Variants in FMNL2 observed in about 807,000 individuals in gnomAD.
FMNL2 encodes formin like 2.
Under a neutral mutation model 130.2 loss-of-function variants are expected in FMNL2, and 51 were observed. The observed-to-expected ratio is 0.39, with a 90% CI of 0.31 to 0.49. FMNL2 has a LOEUF of 0.49. FMNL2 is among the 20% of genes least tolerant of loss of function. The pLI is 0.85. For synonymous variants in FMNL2, 465 were observed against 467.1 expected (o/e 1.00, Z 0.06); for missense variants, 977 against 1,316.2 (o/e 0.74, Z 3.99).
In FMNL2 at chr2:152,611,574, T is replaced by G. The variant is rs746128413; in HGVS notation, c.1031T>G (p.Phe344Cys). The G allele has an allele frequency of 2.7e-5, 44 of 1,603,226 alleles. No individual in the cohort carries two copies. Among genetic ancestry groups the G allele is most frequent in the Non-Finnish European group, 3.7e-5 (43 of 1,173,676 alleles). Residue 344 changes from phenylalanine to cysteine, a missense_variant, in exon 11 of 26, where the codon TTT becomes TGT. This residue lies in a region of FMNL2 where 689 missense variants were observed against 995.9 expected (regional missense o/e 0.69). Transcript: ENST00000288670. ...TTCAGAGTTCACCTGCAGTATGAAT[T>G]TACCAAATTAGGCCTGGACGAATAC... ...MNFRVHLQYE[F>C]TKLGLDEYLD...
chr2:152,475,691 G>A (rs1377244962), intron 1 of FMNL2, among the ~76,000 whole-genome samples: 1 of 152,010 alleles, frequency 6.6e-6, no homozygotes, highest in South Asian at 2.1e-4. Context: ...TAGAGATGGG[G>A]TTTTGCCATG....
intron 1 of FMNL2, among the ~76,000 whole-genome samples, chr2:152,442,146 G>A (rs999062851): frequency 4.6e-5 from 7 of 152,070 alleles, no homozygotes; most frequent in African/African-American, 1.4e-4. Context: ...ATATTCTCAG[G>A]TAGTTAACCT....
intron 1 of FMNL2, among the ~76,000 whole-genome samples, chr2:152,344,520 A>G (rs928625446): frequency 6.6e-6 from 1 of 152,242 alleles, no homozygotes; most frequent in African/African-American, 2.4e-5. Flanking sequence ...AAGATGAAAA[A>G]ATACAGAAGA....
chr2:152,412,528 C>T, intron 1 of FMNL2, among the ~76,000 whole-genome samples: 1 of 138,276 alleles, frequency 7.2e-6, no homozygotes, highest in African/African-American at 2.8e-5. Flanking sequence ...GAAACAGGGC[C>T]AGGTACGGTG....
At chr2:152,614,377 C>T (rs1465162048) in intron 11 of FMNL2, among the ~76,000 whole-genome samples, 1 of 152,230 alleles carries the variant, frequency 6.6e-6, no homozygotes, top group Non-Finnish European at 1.5e-5. Flanking sequence ...CTTAGGCAGT[C>T]ACTCCATAAT....
chr2:152,644,228 C>T (rs1559036858), intron 25 of FMNL2, among the ~76,000 whole-genome samples: 2 of 152,072 alleles, frequency 1.3e-5, no homozygotes, highest in African/African-American at 4.8e-5. Flanking sequence ...CTCAAAAAAA[C>T]AAAAACAAAA....
intron 1 of FMNL2, among the ~76,000 whole-genome samples, chr2:152,378,980 CA>C (rs1684314369): frequency 1.1e-5 from 1 of 91,258 alleles, no homozygotes; most frequent in Admixed American, 1.6e-4. Context: ...CTGAATAGAC[CA>C]GCTGCAAAAA....
At position 152,504,184 on chromosome 2, in the gene FMNL2, C is replaced by T. The variant is rs561503349; in HGVS notation, c.118-17759C>T. On this transcript the variant is annotated intron_variant, in intron 1 of 25. Transcript: ENST00000288670. ...CCAGCCTGTGCGACAGAGCGAGACT[C>T]TGGCTCAACAATAACAAAAAAGAAC... Among the ~76,000 whole-genome samples the T allele has an allele frequency of 9.2e-5, 14 of 152,196 alleles. No homozygotes were observed. The South Asian group carries it at 2.9e-3, about 32-fold the overall frequency.
intron 1 of FMNL2, among the ~76,000 whole-genome samples, chr2:152,397,996 G>C (rs1310786777): frequency 6.6e-6 from 1 of 152,142 alleles, no homozygotes; most frequent in Non-Finnish European, 1.5e-5. Context: ...GTGGTGGCAG[G>C]TGCCTGTAAT....
At chr2:152,336,328 T>G (rs1446529870) in intron 1 of FMNL2, among the ~76,000 whole-genome samples, 2 of 152,126 alleles carry the variant, frequency 1.3e-5, no homozygotes, top group African/African-American at 4.8e-5. Flanking sequence ...CCCCGGCCCT[T>G]GGCGAGGAGC....
chr2:152,629,591 G>A, intron 18 of FMNL2, 65 bp from the exon 19 acceptor site: 1 of 1,424,792 alleles, frequency 7.0e-7, no homozygotes, highest in Non-Finnish European at 9.7e-7. Context: ...ATATTTACTT[G>A]CCAATTAGTT....
chr2:152,503,923 CACATGCTTGTA>C (rs1558919714), intron 1 of FMNL2, among the ~76,000 whole-genome samples: 1 of 152,194 alleles, frequency 6.6e-6, no homozygotes, highest in Non-Finnish European at 1.5e-5. Flanking sequence ...GGCATTGTAG[CACATGCTTGTA>C]ACCTCTGCGC....
intron 1 of FMNL2, among the ~76,000 whole-genome samples, chr2:152,361,911 A>G (rs942460888): frequency 9.9e-5 from 15 of 152,238 alleles, no homozygotes; most frequent in Non-Finnish European, 2.1e-4. Context: ...GAATATGACA[A>G]GTTACACTCA....
At chr2:152,343,347 G>A (rs914997003) in intron 1 of FMNL2, among the ~76,000 whole-genome samples, 2 of 152,154 alleles carry the variant, frequency 1.3e-5, no homozygotes, top group African/African-American at 2.4e-5. Context: ...CTGGGCTGGC[G>A]TACAGTGGCG....
chr2:152,455,185 C>T (rs1358282237), intron 1 of FMNL2, among the ~76,000 whole-genome samples: 1 of 151,982 alleles, frequency 6.6e-6, no homozygotes, highest in Non-Finnish European at 1.5e-5. Flanking sequence ...GGAACACCAG[C>T]ACCAGAAGGC....
At chr2:152,443,552 G>A (rs1201454696) in intron 1 of FMNL2, among the ~76,000 whole-genome samples, 2 of 151,976 alleles carry the variant, frequency 1.3e-5, no homozygotes, top group Admixed American at 6.6e-5. Context: ...TTAGAAGGGA[G>A]GAGAGTAGAG....
At chr2:152,597,905 G>T (rs2105804477) in intron 9 of FMNL2, among the ~76,000 whole-genome samples, 1 of 152,302 alleles carries the variant, frequency 6.6e-6, no homozygotes, top group African/African-American at 2.4e-5. Context: ...TGAACTTGGG[G>T]AAAAGCAAAG....
chr2:152,485,937 C>T (rs903156330), intron 1 of FMNL2, among the ~76,000 whole-genome samples: 1 of 152,070 alleles, frequency 6.6e-6, no homozygotes, highest in East Asian at 1.9e-4. Context: ...ATGGGAGGAG[C>T]GTGCAATTTC....
chr2:152,546,683 T>A (rs532618184), intron 3 of FMNL2, among the ~76,000 whole-genome samples: 1 of 152,090 alleles, frequency 6.6e-6, no homozygotes, highest in Non-Finnish European at 1.5e-5. Context: ...CAACCACCTG[T>A]GCAGGCAGCC....
Sources: gnomAD v4.1 joint callset for allele counts (sites outside exome capture counted in the v4.1 genomes callset) on GRCh38, gnomAD v4.1.1 for gene constraint, gnomAD v4.1.1 regional missense constraint, MANE v1.5 for transcripts, NCBI Gene and HGNC (gene_info 2026-07-23, HGNC 2026-07-21) for gene names.